Variants in KCNMA1 observed in about 807,000 individuals in gnomAD.
The protein encoded by KCNMA1 is Calcium-activated potassium channel subunit alpha-1.
A neutral mutation model predicts 140.0 loss-of-function variants in KCNMA1; 29 were observed. That is an observed-to-expected ratio of 0.21 (90% CI 0.15 to 0.28). KCNMA1 has a LOEUF of 0.28. Ranked by LOEUF, KCNMA1 falls within the 10% of genes least tolerant of loss-of-function variation. The pLI is 1.00. For missense variants in KCNMA1, 880 were observed against 1,602.2 expected (o/e 0.55, Z 7.70); for synonymous variants, 612 against 611.9 (o/e 1.00, Z 0.00).
Position 77,363,819 on chromosome 10 carries a change from A to G in KCNMA1, c.540+40043T>C, listed in dbSNP as rs191994376. Reference sequence around the variant, plus strand: ...TCTCAGCTCAAATGTTGCCTCCTCAAGAAAAACTCCCCTGACTGCTTCCCA... The same window carrying G: ...TCTCAGCTCAAATGTTGCCTCCTCAGGAAAAACTCCCCTGACTGCTTCCCA... On this transcript the variant is annotated intron_variant, in intron 2 of 27. Coordinates refer to ENST00000286628, the MANE Select transcript of KCNMA1 (RefSeq NM_001161352.2). 1.0e-3 allele frequency among the ~76,000 whole-genome samples: 153 copies of G among 152,262 alleles called. 1 individual carries two copies. Among genetic ancestry groups the G allele is most frequent in the African/African-American group, 3.6e-3 (148 of 41,546 alleles).
intron 1 of KCNMA1, among the ~76,000 whole-genome samples, chr10:77,516,487 G>A (rs759745104): frequency 2.0e-5 from 3 of 152,324 alleles, no homozygotes; most frequent in Non-Finnish European, 2.9e-5. Flanking sequence ...CATCTGCTTC[G>A]TTTTCTGCAG....
At chr10:77,512,770 G>A (rs2048843325) in intron 1 of KCNMA1, among the ~76,000 whole-genome samples, 1 of 152,172 alleles carries the variant, frequency 6.6e-6, no homozygotes, top group Non-Finnish European at 1.5e-5. Flanking sequence ...TACAAGCTAG[G>A]CAGAGAGGCC....
At chr10:77,347,430 A>G (rs2092329845) in intron 2 of KCNMA1, among the ~76,000 whole-genome samples, 1 of 152,242 alleles carries the variant, frequency 6.6e-6, no homozygotes, top group South Asian at 2.1e-4. Flanking sequence ...AAGAGAATCC[A>G]AGTGGAAGGT....
intron 1 of KCNMA1, among the ~76,000 whole-genome samples, chr10:77,462,496 T>C (rs1026029188): frequency 6.6e-6 from 1 of 152,164 alleles, no homozygotes; most frequent in Non-Finnish European, 1.5e-5. Context: ...CATACACACA[T>C]CTATAGATGC....
intron 14 of KCNMA1, among the ~76,000 whole-genome samples, chr10:77,048,319 G>A (rs1398715216): frequency 6.6e-6 from 1 of 152,086 alleles, no homozygotes; most frequent in East Asian, 1.9e-4. Context: ...CCCATCTATG[G>A]ACCATGGACC....
At chr10:77,313,050 C>T (rs1030397112) in intron 2 of KCNMA1, among the ~76,000 whole-genome samples, 1 of 152,220 alleles carries the variant, frequency 6.6e-6, no homozygotes, top group Admixed American at 6.5e-5. Flanking sequence ...TGAGGACTTC[C>T]TGTTGCCAGT....
chr10:77,473,117 T>A (rs1333756039), intron 1 of KCNMA1, among the ~76,000 whole-genome samples: 1 of 152,232 alleles, frequency 6.6e-6, no homozygotes, highest in Admixed American at 6.5e-5. Context: ...CTAGTCTCCA[T>A]CTTTCTCCTC....
chr10:77,127,610 AAGGGAGAG>A (rs2097769178), intron 5 of KCNMA1, among the ~76,000 whole-genome samples: 2 of 151,670 alleles, frequency 1.3e-5, no homozygotes, highest in South Asian at 4.2e-4. Context: ...TGAAGGCAAG[AAGGGAGAG>A]AAGGAGAGAA....
Position 77,218,690 on chromosome 10 carries a change from A to T in KCNMA1, c.602+32505T>A, listed in dbSNP as rs150377218. 9.4e-4 allele frequency among the ~76,000 whole-genome samples: 143 copies of T among 152,094 alleles called. 1 individual carries two copies. The highest frequency in any genetic ancestry group is 3.0e-3 in the African/African-American group (124 of 41,480). On this transcript the variant is annotated intron_variant, in intron 3 of 27. Transcript: ENST00000286628. ...GACTGTTGGATTTATTTATTTACTGATTTATTTATTTATTGAGACAGAGTC... is the reference window on the plus strand; with the variant it reads ...GACTGTTGGATTTATTTATTTACTGTTTTATTTATTTATTGAGACAGAGTC...
At chr10:77,328,275 A>C (rs1217745864) in intron 2 of KCNMA1, among the ~76,000 whole-genome samples, 1 of 152,236 alleles carries the variant, frequency 6.6e-6, no homozygotes, top group Non-Finnish European at 1.5e-5. Flanking sequence ...AGAACAAGTA[A>C]GTGCTTATCA....
At chr10:77,279,859 G>A (rs1199742488) in intron 2 of KCNMA1, among the ~76,000 whole-genome samples, 1 of 152,172 alleles carries the variant, frequency 6.6e-6, no homozygotes, top group Non-Finnish European at 1.5e-5. Context: ...TGCCATATAA[G>A]ACTTGCCTTT....
chr10:77,333,079 G>T (rs189999478), intron 2 of KCNMA1, among the ~76,000 whole-genome samples: 109 of 152,180 alleles, frequency 7.2e-4, no homozygotes, highest in Admixed American at 1.6e-3. Flanking sequence ...CTCCAGAATG[G>T]CCTCATCTGG....
intron 5 of KCNMA1, among the ~76,000 whole-genome samples, chr10:77,124,167 T>C (rs1210295013): frequency 6.6e-6 from 1 of 152,242 alleles, no homozygotes; most frequent in African/African-American, 2.4e-5. Context: ...ACATTCTGTG[T>C]GTGCATAGAT....
chr10:77,371,207 G>A (rs1465021890), intron 2 of KCNMA1, among the ~76,000 whole-genome samples: 2 of 152,172 alleles, frequency 1.3e-5, no homozygotes, highest in African/African-American at 2.4e-5. Flanking sequence ...TCCTGGGTTT[G>A]TGGTTCTCGG....
At chr10:76,963,844 T>C (rs1009675819) in intron 20 of KCNMA1, among the ~76,000 whole-genome samples, 3 of 152,158 alleles carry the variant, frequency 2.0e-5, no homozygotes, top group African/African-American at 7.2e-5. Flanking sequence ...CACTAAGACC[T>C]TGAGCACAAT....
intron 1 of KCNMA1, among the ~76,000 whole-genome samples, chr10:77,514,544 C>T (rs990064021): frequency 5.9e-5 from 9 of 152,172 alleles, no homozygotes; most frequent in Admixed American, 1.3e-4. Context: ...CCCAGCTGGC[C>T]CCCAGGCTTC....
rs900315642 is a variant in KCNMA1 at position 77,164,069 on chromosome 10, C to T, written c.808+19352G>A. On this transcript the variant is annotated intron_variant, in intron 5 of 27. Transcript: ENST00000286628. ...TATGATGTACTCAAGCCTCCCAGCT[C>T]GGCATTCTGCAATTTGTCATGTCCT... Among the ~76,000 whole-genome samples, 7 of 152,176 alleles carry T rather than the reference C, an allele frequency of 4.6e-5. No individual in the cohort carries two copies. The South Asian group carries it at 6.2e-4, about 14-fold the overall frequency.
intron 25 of KCNMA1, chr10:76,905,119 A>C (rs2047281990): frequency 6.6e-6 from 1 of 152,262 alleles, no homozygotes; most frequent in South Asian, 2.1e-4. Context: ...TTAAAAATAA[A>C]AACTTGATAA....
At chr10:77,463,316 A>ACTGTACTG (rs1453211754) in intron 1 of KCNMA1, among the ~76,000 whole-genome samples, 3 of 152,116 alleles carry the variant, frequency 2.0e-5, no homozygotes, top group Non-Finnish European at 4.4e-5. Flanking sequence ...GCACCATCAC[A>ACTGTACTG]CTGTACTGTG....
Sources: gnomAD v4.1 joint callset for allele counts (sites outside exome capture counted in the v4.1 genomes callset) on GRCh38, gnomAD v4.1.1 for gene constraint, MANE v1.5 for transcripts, NCBI Gene and HGNC (gene_info 2026-07-23, HGNC 2026-07-21) for gene names.